The following INSL6 variants were observed in gnomAD, a reference collection of about 807,000 sequenced individuals.
INSL6 encodes insulin-like peptide INSL6.
INSL6 carries 16 observed loss-of-function variants against 9.4 expected under a neutral mutation model. The ratio of observed to expected loss-of-function variants is 1.70; its 90% confidence interval spans 1.15 to 2.59. The LOEUF is 2.59. INSL6 is among the 30% of genes most tolerant of loss of function. The probability of loss-of-function intolerance (pLI) is 0.00; values close to 1 mark genes in which losing one functional copy is unlikely to be tolerated. For missense variants in INSL6, 391 were observed against 257.3 expected (o/e 1.52, Z -3.56); for synonymous variants, 154 against 96.9 (o/e 1.59, Z -3.46).
the INSL6 span, among the ~76,000 whole-genome samples, chr9:5,021,434 T>C: frequency 1.5e-4 from 23 of 152,168 alleles, no homozygotes; most frequent in Non-Finnish European, 2.9e-4. Flanking sequence ...CTCAATTAGG[T>C]TGTTAACTGG....
intron 1 of INSL6, among the ~76,000 whole-genome samples, chr9:5,169,324 T>A (rs1054245983): frequency 7.9e-5 from 12 of 152,174 alleles, no homozygotes; most frequent in African/African-American, 2.9e-4. Context: ...AAGCAAATTC[T>A]GAGGGAATTC....
At chr9:5,153,424 G>T (rs1824752693) in intron 2 of INSL6, among the ~76,000 whole-genome samples, 1 of 152,216 alleles carries the variant, frequency 6.6e-6, no homozygotes, top group South Asian at 2.1e-4. Flanking sequence ...AAAGCCACTG[G>T]GAAGTTTGAA....
At chr9:5,075,000 AC>A in the INSL6 span, among the ~76,000 whole-genome samples, 1 of 152,232 alleles carries the variant, frequency 6.6e-6, no homozygotes, top group Admixed American at 6.5e-5. Flanking sequence ...TATTGATGAT[AC>A]AGAGAAAGTT....
chr9:5,160,743 A>G (rs1824908652), downstream of INSL6, among the ~76,000 whole-genome samples: 1 of 152,192 alleles, frequency 6.6e-6, no homozygotes, highest in South Asian at 2.1e-4. Flanking sequence ...ATAAAATTAG[A>G]GATAAAAAGG....
At chr9:5,014,382 C>T in the INSL6 span, among the ~76,000 whole-genome samples, 7 of 152,124 alleles carry the variant, frequency 4.6e-5, no homozygotes, top group African/African-American at 7.2e-5. Context: ...ATATACTCTT[C>T]ATTTATTCAA....
At chr9:5,167,522 G>A (rs1387262165) in intron 1 of INSL6, among the ~76,000 whole-genome samples, 1 of 152,228 alleles carries the variant, frequency 6.6e-6, no homozygotes, top group Non-Finnish European at 1.5e-5. Flanking sequence ...GCTTCTTTAG[G>A]TGGGACTCCA....
At chr9:5,097,176 C>T in the INSL6 span, 1 of 152,086 alleles carries the variant, frequency 6.6e-6, no homozygotes, top group Non-Finnish European at 1.5e-5. Context: ...TAACAAAAAG[C>T]CCCCAGCCAT....
At chr9:5,076,763 A>G in the INSL6 span, among the ~76,000 whole-genome samples, 67 of 152,214 alleles carry the variant, frequency 4.4e-4, 1 homozygote, top group Admixed American at 3.5e-3. Flanking sequence ...GATTAAATAC[A>G]CATCTACACT....
intron 2 of INSL6, among the ~76,000 whole-genome samples, chr9:5,148,983 C>A (rs1244440563): frequency 6.6e-6 from 1 of 152,220 alleles, no homozygotes; most frequent in African/African-American, 2.4e-5. Context: ...CAGCAGTTAG[C>A]TGGGGCCAGA....
intron 2 of INSL6, among the ~76,000 whole-genome samples, chr9:5,156,247 G>C (rs2130899490): frequency 6.6e-6 from 1 of 152,270 alleles, no homozygotes; most frequent in Non-Finnish European, 1.5e-5. Flanking sequence ...AACTTTATTG[G>C]TGAATTTCAG....
downstream of INSL6, among the ~76,000 whole-genome samples, chr9:5,162,958 T>G (rs557404928): frequency 6.6e-5 from 10 of 152,298 alleles, no homozygotes; most frequent in South Asian, 2.1e-3. Context: ...TAAAATTATG[T>G]CATGTGTGGA....
chr9:5,152,862 T>A (rs1356115092), intron 2 of INSL6, among the ~76,000 whole-genome samples: 1 of 152,118 alleles, frequency 6.6e-6, no homozygotes, highest in Admixed American at 6.5e-5. Flanking sequence ...TTCATCTCAT[T>A]GGGACTGGTT....
At chr9:5,124,584 G>C (rs1371020542) in intron 3 of INSL6, among the ~76,000 whole-genome samples, 1 of 151,716 alleles carries the variant, frequency 6.6e-6, no homozygotes, top group Admixed American at 6.6e-5. Context: ...GAACCAAAAA[G>C]AGCCCTAATA....
the INSL6 span, chr9:5,114,458 G>A: frequency 1.1e-5 from 5 of 474,622 alleles, no homozygotes; most frequent in Non-Finnish European, 2.1e-5. Context: ...CCCACCTGCA[G>A]TCCACGACCA....
chr9:5,150,927 A>G (rs2130894832), intron 2 of INSL6, among the ~76,000 whole-genome samples: 1 of 152,182 alleles, frequency 6.6e-6, no homozygotes, highest in East Asian at 1.9e-4. Context: ...TGTATTTTGC[A>G]GCAACATGGG....
At chr9:5,156,752 CAGGACTGTTTATAAAGAAA>C (rs1476761791) in intron 2 of INSL6, among the ~76,000 whole-genome samples, 1 of 152,052 alleles carries the variant, frequency 6.6e-6, no homozygotes, top group African/African-American at 2.4e-5. Flanking sequence ...TCCACAATAA[CAGGACTGTTTATAAAGAAA>C]ATCCCAAGCA....
intron 2 of INSL6, among the ~76,000 whole-genome samples, chr9:5,146,711 G>A (rs890041548): frequency 6.6e-6 from 1 of 152,246 alleles, no homozygotes; most frequent in Non-Finnish European, 1.5e-5. Flanking sequence ...GGTGGGGCAA[G>A]TAAAGCAAAA....
At chr9:5,044,578 A>G in the INSL6 span, 5 of 1,090,034 alleles carry the variant, frequency 4.6e-6, no homozygotes, top group Non-Finnish European at 6.7e-6. Flanking sequence ...TTGCTGTTTA[A>G]TAAGTCACTT....
the INSL6 span, among the ~76,000 whole-genome samples, chr9:5,036,543 A>C: frequency 6.6e-6 from 1 of 150,580 alleles, no homozygotes; most frequent in Non-Finnish European, 1.5e-5. Flanking sequence ...AGACCAATGG[A>C]AAGAAATAAT....
Sources: allele counts gnomAD v4.1 joint callset (sites outside exome capture counted in the v4.1 genomes callset), GRCh38; gene constraint gnomAD v4.1.1; transcripts MANE v1.5; gene names NCBI Gene and HGNC (gene_info 2026-07-23, HGNC 2026-07-21).